The following NOD2 variants were observed in gnomAD, a reference collection of about 807,000 sequenced individuals.
The protein encoded by NOD2 is nucleotide-binding oligomerization domain-containing protein 2.
Under a neutral mutation model 90.9 loss-of-function variants are expected in NOD2, and 86 were observed. That is an observed-to-expected ratio of 0.95 (90% CI 0.79 to 1.13). The LOEUF (loss-of-function observed/expected upper bound fraction) is 1.13. Among genes scored for constraint, NOD2 ranks in the 50% most tolerant of loss-of-function variants. NOD2 has a pLI of 0.00. For synonymous variants in NOD2, 581 were observed against 554.6 expected (o/e 1.05, Z -0.67); for missense variants, 1,238 against 1,283.8 (o/e 0.96, Z 0.55).
At position 50,719,164 on chromosome 16, in the gene NOD2, C is replaced by G. The variant is rs557746671; in HGVS notation, c.2550-761C>G. On this transcript the variant is annotated intron_variant, in intron 6 of 11. Coordinates refer to ENST00000647318, the MANE Select transcript of NOD2 (RefSeq NM_001370466.1). ...CAGCAGCTGGGGCCCTTGGCTACCT[C>G]CAAGGAGCTGAGGCTGGAGACCTGA... 2.0e-5 allele frequency among the ~76,000 whole-genome samples: 3 copies of G among 152,282 alleles called. No individual in the cohort carries two copies. In the South Asian group the frequency reaches 6.2e-4, roughly 32 times the overall value.
In NOD2 at chr16:50,732,688, C is replaced by T. The variant is rs956825387; in HGVS notation, c.*869C>T. ...AATTAATCTGGGCCAGAATTTCAAA[C>T]GGCCTCACTAGGCTTCTGGTTGATG... is the stretch of plus-strand genomic sequence containing the variant. On this transcript the variant is annotated 3_prime_UTR_variant, in exon 12 of 12. Coordinates refer to ENST00000647318, the MANE Select transcript of NOD2 (RefSeq NM_001370466.1). The T allele has an allele frequency of 3.3e-5, 5 of 152,348 alleles. No homozygotes were observed. Among genetic ancestry groups the T allele is most frequent in the African/African-American group, 7.2e-5 (3 of 41,444 alleles). 9.4% of individuals were successfully genotyped at this position (152,348 alleles called of 1,614,324 possible). A position where few individuals can be genotyped will look rare whatever the true frequency, so the allele number is the denominator to read the frequency against.
In NOD2 at chr16:50,699,754, A is replaced by C. The variant is rs1963846289; in HGVS notation, c.259A>C (p.Ser87Arg). The C allele has an allele frequency of 6.2e-7, 1 of 1,613,904 alleles. No individual in the cohort carries two copies. Among genetic ancestry groups the C allele is most frequent in the Non-Finnish European group, 8.5e-7 (1 of 1,180,042 alleles). ...GGCTGCCCAAGAAGCCCAGGCCGAC[A>C]GCCAGTCCCCCAAGCTGCATGGCTG... Reference protein sequence around the residue: ...IAAAQEAQADSQSPKLHGCWD... With the variant: ...IAAAQEAQADRQSPKLHGCWD... Residue 87 changes from serine to arginine, a missense_variant, in exon 2 of 12, where the codon AGC (serine) becomes CGC (arginine). Physicochemically the swap from Ser to Arg is moderately radical, Grantham distance 110. Around this residue, in one of 3 missense-constraint regions of NOD2, gnomAD observed 567 missense variants for 577.3 expected, o/e 0.98. Coordinates refer to ENST00000647318, the MANE Select transcript of NOD2 (RefSeq NM_001370466.1).
At chr16:50,703,338 A>G (rs1323061246) in intron 2 of NOD2, among the ~76,000 whole-genome samples, 1 of 152,194 alleles carries the variant, frequency 6.6e-6, no homozygotes, top group African/African-American at 2.4e-5. Flanking sequence ...TAGCTGTGTA[A>G]AGAAAGGTCA....
intron 2 of NOD2, among the ~76,000 whole-genome samples, chr16:50,702,633 A>G (rs1248166462): frequency 1.3e-5 from 2 of 152,180 alleles, no homozygotes; most frequent in African/African-American, 2.4e-5. Flanking sequence ...AAGTTAAAGA[A>G]CTAAATTCCA....
intron 2 of NOD2, among the ~76,000 whole-genome samples, chr16:50,702,277 C>T (rs1963977424): frequency 6.6e-5 from 10 of 152,180 alleles, no homozygotes; most frequent in Admixed American, 6.5e-4. Flanking sequence ...TAAGAAAGGG[C>T]TAAATAGACA....
chr16:50,731,865 T>G lies in NOD2; in HGVS notation c.*46T>G. On this transcript the variant is annotated 3_prime_UTR_variant, in exon 12 of 12. Transcript: ENST00000647318. ...TCTCAGTTTGTTTGTGAGCAGGCTG[T>G]GAGTTTGGGCCCCAGAGGCTGGGTG... 2 of 1,462,486 alleles carry G rather than the reference T, an allele frequency of 1.4e-6. No individual in the cohort carries two copies. The allele number at this position is 1,462,486 out of a possible 1,614,324, so 90.6% of individuals were successfully genotyped here.
At chr16:50,716,372 C>T (rs569537711) in intron 4 of NOD2, among the ~76,000 whole-genome samples, 5 of 152,200 alleles carry the variant, frequency 3.3e-5, no homozygotes, top group South Asian at 4.1e-4. Context: ...CTGGATCCTA[C>T]GTCCTGGGCC....
Position 50,723,373 on chromosome 16 carries a change from A to G in NOD2, c.2790A>G (p.Leu930=). The change falls in exon 9 of 12, where the codon CTA becomes CTG. Residue 930 remains leucine, a synonymous_variant. Coordinates refer to ENST00000647318, the MANE Select transcript of NOD2 (RefSeq NM_001370466.1). ...TGATGCTGGCAAAGAACGTCATGCT[A>G]GAAGAACTCTGGTGAGTTTGGGGGA... The part of the protein sequence containing the change: ...LALMLAKNVM[L]EELCLEENHL... 1 of 1,613,834 alleles carries G rather than the reference A, an allele frequency of 6.2e-7. No homozygotes were observed. The highest frequency in any genetic ancestry group is 2.2e-5 in the East Asian group (1 of 44,874).
At chr16:50,713,188 T>C (rs1220752277) in intron 4 of NOD2, 1 of 152,364 alleles carries the variant, frequency 6.6e-6, no homozygotes, top group Non-Finnish European at 1.5e-5. Flanking sequence ...TGAAAGGGGA[T>C]TGCCCTGCTT....
At chr16:50,695,029 A>C (rs987531986) in intron 1 of NOD2, among the ~76,000 whole-genome samples, 1 of 151,926 alleles carries the variant, frequency 6.6e-6, no homozygotes, top group Non-Finnish European at 1.5e-5. Flanking sequence ...CCACATGAGT[A>C]TCTGGGGGGC....
chr16:50,699,247 A>G (rs1264558119), intron 1 of NOD2, among the ~76,000 whole-genome samples: 2 of 151,988 alleles, frequency 1.3e-5, no homozygotes, highest in African/African-American at 4.8e-5. Flanking sequence ...TGGATATGGG[A>G]GTTAGGGGTC....
At chr16:50,706,045 G>C (rs1567385841) in intron 2 of NOD2, among the ~76,000 whole-genome samples, 2 of 152,314 alleles carry the variant, frequency 1.3e-5, no homozygotes, top group African/African-American at 2.4e-5. Flanking sequence ...ATTGTAAATA[G>C]AGTAGTCAGA....
At chr16:50,702,116 T>G (rs1464372890) in intron 2 of NOD2, among the ~76,000 whole-genome samples, 1 of 152,160 alleles carries the variant, frequency 6.6e-6, no homozygotes, top group African/African-American at 2.4e-5. Context: ...GGCTAATTTT[T>G]TTTTTGTAGA....
intron 2 of NOD2, among the ~76,000 whole-genome samples, chr16:50,703,041 A>G (rs568778831): frequency 6.6e-4 from 100 of 152,352 alleles, no homozygotes; most frequent in Non-Finnish European, 1.2e-3. Context: ...CCTGATTCCT[A>G]TAACAATATT....
In NOD2 at chr16:50,719,938, T is replaced by A; in HGVS notation, c.2563T>A (p.Tyr855Asn). The A allele has an allele frequency of 6.2e-7, 1 of 1,614,128 alleles. No individual in the cohort carries two copies. Reference protein sequence around the residue: ...NFLALRLGNNYITAAGAQVLA... With the variant: ...NFLALRLGNNNITAAGAQVLA... ...CTTCCCTTCCAGGCTGGGGAATAAC[T>A]ACATCACTGCCGCGGGAGCCCAAGT... Residue 855 changes from tyrosine to asparagine, a missense_variant, in exon 7 of 12, where the codon TAC becomes AAC. Tyr to Asn is a moderately radical substitution (Grantham distance 143). Around this residue, in one of 3 missense-constraint regions of NOD2, gnomAD observed 667 missense variants for 688.7 expected, o/e 0.97. Transcript: ENST00000647318.
rs1427575528 is a variant in NOD2 at position 50,711,645 on chromosome 16, T to A, written c.1653T>A (p.Asp551Glu). 1 of 1,612,708 alleles carries A rather than the reference T, an allele frequency of 6.2e-7. No individual in the cohort carries two copies. Among genetic ancestry groups the A allele is most frequent in the Admixed American group, 1.7e-5 (1 of 60,026 alleles). ...QQLQAAQVSP[D>E]DISLGFLVRA... ...TCCAGGCAGCACAGGTCAGCCCTGA[T>A]GACATTTCTCTTGGCTTCCTGGTGC... The change falls in exon 4 of 12, where the codon GAT becomes GAA. Residue 551 changes from aspartate to glutamate, a missense_variant. Around this residue, in one of 3 missense-constraint regions of NOD2, gnomAD observed 667 missense variants for 688.7 expected, o/e 0.97. Transcript: ENST00000647318.
At chr16:50,713,952 G>T (rs1964662382) in intron 4 of NOD2, among the ~76,000 whole-genome samples, 1 of 152,198 alleles carries the variant, frequency 6.6e-6, no homozygotes, top group Admixed American at 6.5e-5. Context: ...AGTGGATCTG[G>T]CCAGGCAAAT....
rs1262485302 is a variant in NOD2, at chr16:50,717,062, A to G, written c.2549+88A>G. On this transcript the variant is annotated intron_variant, in intron 6 of 11. Coordinates refer to ENST00000647318, the MANE Select transcript of NOD2 (RefSeq NM_001370466.1). ...ATCTGGTCTTGGCCTGGCACTGCCC[A>G]CACTGGCTCCTGACCTCCTGATTGA... 5 of 1,137,360 alleles carry G rather than the reference A, an allele frequency of 4.4e-6. No individual in the cohort carries two copies. The Admixed American group carries it at 8.5e-5, about 19-fold the overall frequency. 70.5% of individuals were successfully genotyped at this position (1,137,360 alleles called of 1,614,324 possible).
chr16:50,727,798 G>T, intron 10 of NOD2: 3 of 348,674 alleles, frequency 8.6e-6, no homozygotes, highest in South Asian at 4.8e-5. Context: ...GCATCTCATT[G>T]ACTTGCCGAG....
Sources: gnomAD v4.1 joint callset for allele counts (sites outside exome capture counted in the v4.1 genomes callset) on GRCh38, gnomAD v4.1.1 for gene constraint, gnomAD v4.1.1 regional missense constraint, MANE v1.5 for transcripts, NCBI Gene and HGNC (gene_info 2026-07-23, HGNC 2026-07-21) for gene names.